DENND2B: variants seen among roughly 807,000 people sequenced by gnomAD.
DENND2B encodes the protein DENN domain containing 2B.
Under a neutral mutation model 116.0 loss-of-function variants are expected in DENND2B, and 32 were observed. The ratio of observed to expected loss-of-function variants is 0.28; its 90% confidence interval spans 0.21 to 0.37. The LOEUF (loss-of-function observed/expected upper bound fraction) is 0.37, where lower values mean the gene tolerates loss of function less well. Ranked by LOEUF, DENND2B falls within the 10% of genes least tolerant of loss-of-function variation. The pLI, the probability that DENND2B is intolerant of heterozygous loss-of-function variation, is 1.00. For missense variants in DENND2B, 1,276 were observed against 1,477.7 expected, an observed-to-expected ratio of 0.86 and a Z score of 2.24; for synonymous variants, 588 against 583.9, an observed-to-expected ratio of 1.01 and a Z score of -0.10.
Position 8,696,623 on chromosome 11 carries a change from C to G in DENND2B, c.3096G>C (p.Arg1032=), listed in dbSNP as rs768821454. 5.0e-6 allele frequency: 8 copies of G among 1,614,058 alleles called. No individual in the cohort carries two copies. Among genetic ancestry groups the G allele is most frequent in the Non-Finnish European group, 6.8e-6 (8 of 1,180,050 alleles). Residue 1032 remains arginine, a synonymous_variant, in exon 18 of 20, where the codon CGG becomes CGC. Coordinates refer to ENST00000313726, the MANE Select transcript of DENND2B (RefSeq NM_213618.2). ...LNGLVSEVFI[R]FFVETVGHYS... Reference sequence around the variant, plus strand: ...AGTGCCCAACGGTCTCCACAAAGAACCGGATAAACACCTCCGACACCAGCC... The same window carrying G: ...AGTGCCCAACGGTCTCCACAAAGAAGCGGATAAACACCTCCGACACCAGCC...
intron 4 of DENND2B, among the ~76,000 whole-genome samples, chr11:8,827,872 A>G (rs1400267124): frequency 6.6e-6 from 1 of 152,200 alleles, no homozygotes; most frequent in African/African-American, 2.4e-5. Flanking sequence ...AGACTTTCCA[A>G]ATAAAATAAC....
intron 1 of DENND2B, among the ~76,000 whole-genome samples, chr11:8,806,096 T>C (rs2060810579): frequency 6.6e-6 from 1 of 152,188 alleles, no homozygotes; most frequent in Non-Finnish European, 1.5e-5. Flanking sequence ...CACCTGCTGC[T>C]CCTGAGAACT....
chr11:8,725,578 G>A (rs1384604315), intron 4 of DENND2B, among the ~76,000 whole-genome samples: 1 of 151,906 alleles, frequency 6.6e-6, no homozygotes, highest in African/African-American at 2.4e-5. Flanking sequence ...GGCTGGTCTC[G>A]AACTCCTGAC....
intron 1 of DENND2B, among the ~76,000 whole-genome samples, chr11:8,901,229 CTTTT>C (rs1555223231): frequency 4.3e-4 from 36 of 83,914 alleles, no homozygotes; most frequent in East Asian, 1.6e-3. Context: ...CTTTTCTTTT[CTTTT>C]TTTTTTTTTT....
chr11:8,742,120 G>A (rs2050330795), intron 2 of DENND2B, among the ~76,000 whole-genome samples: 1 of 152,100 alleles, frequency 6.6e-6, no homozygotes, highest in Non-Finnish European at 1.5e-5. Flanking sequence ...GCCTGGTCTT[G>A]AACTCCTGGG....
upstream of DENND2B, among the ~76,000 whole-genome samples, chr11:8,812,946 G>GTTATTTAT (rs562665372): frequency 2.6e-5 from 4 of 151,876 alleles, no homozygotes; most frequent in Admixed American, 1.3e-4. Flanking sequence ...AGGTCCTGAT[G>GTTATTTAT]TTATTTATTT....
chr11:8,776,325 C>G (rs1255682429), intron 1 of DENND2B: 1 of 435,284 alleles, frequency 2.3e-6, no homozygotes, highest in Non-Finnish European at 4.6e-6. Flanking sequence ...TCCTAGTATG[C>G]TCCAAGGCCC....
At chr11:8,716,886 G>T (rs2044940426) in intron 5 of DENND2B, among the ~76,000 whole-genome samples, 1 of 152,104 alleles carries the variant, frequency 6.6e-6, no homozygotes, top group South Asian at 2.1e-4. Context: ...CAGATGATCT[G>T]CCCACCTTGG....
intron 2 of DENND2B, among the ~76,000 whole-genome samples, chr11:8,747,959 C>A (rs143345913): frequency 1.3e-5 from 2 of 152,288 alleles, no homozygotes; most frequent in East Asian, 1.9e-4. Flanking sequence ...ATTAAGGGTA[C>A]AGTCCTTCAA....
intron 1 of DENND2B, among the ~76,000 whole-genome samples, chr11:8,901,285 A>C (rs547173505): frequency 7.9e-6 from 1 of 126,836 alleles, no homozygotes; most frequent in East Asian, 2.5e-4. Flanking sequence ...GCTGGAGTGC[A>C]GTGGTGCAAT....
At chr11:8,856,160 A>G (rs941955536) in intron 3 of DENND2B, among the ~76,000 whole-genome samples, 3 of 152,214 alleles carry the variant, frequency 2.0e-5, no homozygotes, top group African/African-American at 4.8e-5. Flanking sequence ...TGTTCCATTA[A>G]TAACATTTGA....
At chr11:8,778,142 A>C (rs1039399156) in intron 1 of DENND2B, among the ~76,000 whole-genome samples, 3 of 152,238 alleles carry the variant, frequency 2.0e-5, no homozygotes, top group Non-Finnish European at 4.4e-5. Context: ...TCAAGCCTTG[A>C]AAGGGCAGAA....
At chr11:8,863,346 T>TCCCAGGTTCACACCATTCTCCAGC (rs543669262) in intron 2 of DENND2B, among the ~76,000 whole-genome samples, 1 of 81,268 alleles carries the variant, frequency 1.2e-5, no homozygotes, top group Non-Finnish European at 2.5e-5. Context: ...AAGCTCCACC[T>TCCCAGGTTCACACCATTCTCCAGC]CTCAGCCTCC....
chr11:8,736,729 G>A (rs369555105), intron 2 of DENND2B, among the ~76,000 whole-genome samples: 28 of 152,330 alleles, frequency 1.8e-4, no homozygotes, highest in African/African-American at 6.5e-4. Flanking sequence ...GGGCAACAAG[G>A]AGGCCAGTGT....
chr11:8,784,693 C>T (rs147782069), intron 1 of DENND2B: 6,106 of 152,088 alleles, frequency 0.04, 406 homozygotes, highest in African/African-American at 0.14. Flanking sequence ...CAAAAATTAG[C>T]TGGGCGTGGT....
intron 1 of DENND2B, among the ~76,000 whole-genome samples, chr11:8,896,047 T>C (rs1454099982): frequency 1.3e-5 from 2 of 152,158 alleles, no homozygotes; most frequent in Non-Finnish European, 2.9e-5. Flanking sequence ...AACAGTAATA[T>C]AATCACAGTA....
chr11:8,901,323 AG>A (rs1250070182), intron 1 of DENND2B, among the ~76,000 whole-genome samples: 3 of 138,854 alleles, frequency 2.2e-5, no homozygotes, highest in Non-Finnish European at 4.5e-5. Flanking sequence ...TCCACCTCCC[AG>A]GTTCAAGTGA....
intron 4 of DENND2B, among the ~76,000 whole-genome samples, chr11:8,836,907 G>A (rs978731899): frequency 3.3e-5 from 5 of 151,992 alleles, no homozygotes; most frequent in African/African-American, 1.2e-4. Context: ...ATAGAGCTGG[G>A]GTTTCACCAT....
chr11:8,738,249 T>C (rs1165115713), intron 2 of DENND2B, among the ~76,000 whole-genome samples: 1 of 152,244 alleles, frequency 6.6e-6, no homozygotes, highest in East Asian at 1.9e-4. Context: ...CTCGTCCCTA[T>C]GCTGCTTTAC....
Sources: allele counts gnomAD v4.1 joint callset (sites outside exome capture counted in the v4.1 genomes callset), GRCh38; gene constraint gnomAD v4.1.1; transcripts MANE v1.5; gene names NCBI Gene and HGNC (gene_info 2026-07-23, HGNC 2026-07-21).